Variants in ARAP3 observed in about 807,000 individuals in gnomAD.
ARAP3 encodes ArfGAP with RhoGAP domain, ankyrin repeat and PH domain 3.
A neutral mutation model predicts 169.2 loss-of-function variants in ARAP3; 82 were observed. The observed-to-expected ratio is 0.48, with a 90% CI of 0.41 to 0.58. The LOEUF is 0.58. Ranked by LOEUF, ARAP3 falls within the 20% of genes least tolerant of loss-of-function variation. The probability of loss-of-function intolerance (pLI) is 0.00; values close to 1 mark genes in which losing one functional copy is unlikely to be tolerated. For missense variants in ARAP3, 1,764 were observed against 2,018.0 expected (o/e 0.87, Z 2.41); for synonymous variants, 791 against 800.3 (o/e 0.99, Z 0.20).
In ARAP3 at chr5:141,679,718, G is replaced by A; in HGVS notation, c.586+43C>T. ...GATCGCTGGGAGTGTATGAGGTCCT[G>A]CCGGCACTATCCCTCTCCCCCAACC... On this transcript the variant is annotated intron_variant, in intron 3 of 32. Transcript: ENST00000239440. 3 of 1,613,892 alleles carry A rather than the reference G, an allele frequency of 1.9e-6. No homozygotes were observed. In the Middle Eastern group the frequency reaches 4.9e-4, roughly 266 times the overall value.
At chr5:141,681,720 C>T (rs1290182271) in intron 1 of ARAP3, among the ~76,000 whole-genome samples, 1 of 152,204 alleles carries the variant, frequency 6.6e-6, no homozygotes, top group Non-Finnish European at 1.5e-5. Context: ...CTGTCTTCCG[C>T]CTCGGCCTAG....
chr5:141,674,182 C>T (rs1303820561), intron 4 of ARAP3, among the ~76,000 whole-genome samples: 2 of 152,178 alleles, frequency 1.3e-5, no homozygotes, highest in South Asian at 2.1e-4. Context: ...AGGCTGGTCT[C>T]GAACTCCTGA....
At position 141,680,157 on chromosome 5, in the gene ARAP3, G is replaced by A. The variant is rs771837854; in HGVS notation, c.330C>T (p.Thr110=). Residue 110 remains threonine (T), a synonymous_variant, in exon 2 of 33, where the codon ACC becomes ACT. Coordinates refer to ENST00000239440, the MANE Select transcript of ARAP3 (RefSeq NM_022481.6). ...CTGGGCTCAGCCCAGGTCTCTGAGT[G>A]GTGGCAGGGCCACTGAGTCCACCAA... ...TVFGGLSGPA[T]TQRPGLSPAL... The A allele has an allele frequency of 6.2e-7, 1 of 1,607,602 alleles. No individual in the cohort carries two copies. The highest frequency in any genetic ancestry group is 8.5e-7 in the Non-Finnish European group (1 of 1,175,610).
Position 141,679,674 on chromosome 5 carries a change from G to A in ARAP3, c.587-18C>T, listed in dbSNP as rs190633824. Reference sequence around the variant, plus strand: ...GATGTGCACTGGCAGGAGGAGAGGGGAACGCACAAGGAAGAGGAGATCGCT... The same window carrying A: ...GATGTGCACTGGCAGGAGGAGAGGGAAACGCACAAGGAAGAGGAGATCGCT... On this transcript the variant is annotated intron_variant, in intron 3 of 32. Transcript: ENST00000239440. 638 of 1,613,882 alleles carry A rather than the reference G, an allele frequency of 4.0e-4. 1 individual carries two copies. The highest frequency in any genetic ancestry group is 2.6e-3 in the African/African-American group (197 of 75,004).
intron 32 of ARAP3, among the ~76,000 whole-genome samples, chr5:141,655,100 C>T (rs1330632983): frequency 6.6e-6 from 1 of 151,748 alleles, no homozygotes; most frequent in Non-Finnish European, 1.5e-5. Flanking sequence ...GGCCTCCTCT[C>T]TCTCTCTGTC....
At chr5:141,679,733 C>T in intron 3 of ARAP3, 28 bp downstream of exon 3, 1 of 1,614,160 alleles carries the variant, frequency 6.2e-7, no homozygotes, top group Non-Finnish European at 8.5e-7. Context: ...CACTATCCCT[C>T]TCCCCCAACC....
intron 31 of ARAP3, 98 bp downstream of exon 31, chr5:141,655,523 A>G (rs2099909165): frequency 3.1e-6 from 5 of 1,597,136 alleles, no homozygotes; most frequent in African/African-American, 2.7e-5. Flanking sequence ...GACAGTGAGC[A>G]TAGGGTGGCA....
chr5:141,666,406 C>G lies in ARAP3; in HGVS notation c.2572+18G>C, dbSNP rs143722578. 3,481 of 1,539,416 alleles carry G rather than the reference C, an allele frequency of 2.3e-3. 10 individuals are homozygous for G. Among genetic ancestry groups the G allele is most frequent in the Middle Eastern group, 4.3e-3 (23 of 5,290 alleles). ...ATGGCCACCCTTCATCCCTGTCCCC[C>G]CAAACCTCCCCGCTTACTGATCTCC... is the stretch of plus-strand genomic sequence containing the variant. On this transcript the variant is annotated intron_variant, in intron 17 of 32. Coordinates refer to ENST00000239440, the MANE Select transcript of ARAP3 (RefSeq NM_022481.6).
At chr5:141,661,350 A>T (rs1185039860) in intron 21 of ARAP3, among the ~76,000 whole-genome samples, 1 of 152,150 alleles carries the variant, frequency 6.6e-6, no homozygotes, top group African/African-American at 2.4e-5. Context: ...GGTGTGAGAC[A>T]CCACGCGCCC....
At chr5:141,659,110 A>G (rs2099909601) in intron 23 of ARAP3, among the ~76,000 whole-genome samples, 4 of 152,210 alleles carry the variant, frequency 2.6e-5, no homozygotes, top group African/African-American at 9.6e-5. Flanking sequence ...TCGTCCTTGG[A>G]TCTCTTACAC....
At position 141,669,966 on chromosome 5, in the gene ARAP3, A is replaced by G; in HGVS notation, c.2205T>C (p.Ile735=). The change falls in exon 15 of 33, where the codon ATT becomes ATC. Residue 735 remains isoleucine (I), a synonymous_variant. Coordinates refer to ENST00000239440, the MANE Select transcript of ARAP3 (RefSeq NM_022481.6). ...GTGGGGGGCTCACACCCAGACATAC[A>G]ATATCCTGGGGCTGTATGAGGCTGA... ...EPLSLIQPQD[I]VCLGVSPPPT... The G allele has an allele frequency of 6.2e-7, 1 of 1,600,070 alleles. No homozygotes were observed. Among genetic ancestry groups the G allele is most frequent in the East Asian group, 2.2e-5 (1 of 44,764 alleles).
chr5:141,659,120 C>T (rs1319668501), intron 23 of ARAP3, among the ~76,000 whole-genome samples: 1 of 152,192 alleles, frequency 6.6e-6, no homozygotes, highest in Non-Finnish European at 1.5e-5. Context: ...ATCTCTTACA[C>T]TTAGTAGTAT....
At chr5:141,665,249 T>C (rs2099910484) in intron 18 of ARAP3, 62 bp downstream of exon 18, 1 of 1,595,364 alleles carries the variant, frequency 6.3e-7, no homozygotes. Context: ...GCAGGCCAGG[T>C]TGCAGAGTAT....
intron 4 of ARAP3, among the ~76,000 whole-genome samples, chr5:141,674,732 T>A (rs1338264338): frequency 1.3e-5 from 2 of 151,696 alleles, no homozygotes; most frequent in Non-Finnish European, 2.9e-5. Context: ...TGGCTCCCTG[T>A]CATGGTTGCC....
At position 141,656,614 on chromosome 5, in the gene ARAP3, C is replaced by T; in HGVS notation, c.3679G>A (p.Val1227Met). 1 of 1,613,460 alleles carries T rather than the reference C, an allele frequency of 6.2e-7. No homozygotes were observed. Among genetic ancestry groups the T allele is most frequent in the Non-Finnish European group, 8.5e-7 (1 of 1,179,746 alleles). ...FTGIRRESPRVGLLRCREEPP... is the reference protein window; with the variant it reads ...FTGIRRESPRMGLLRCREEPP... Reference sequence around the variant, plus strand: ...TCCTCACGACACCGCAACAGCCCCACCCGTGGGCTCTCACGTCGGATACCT... The same window carrying T: ...TCCTCACGACACCGCAACAGCCCCATCCGTGGGCTCTCACGTCGGATACCT... The change falls in exon 27 of 33, where the codon GTG (valine) becomes ATG (methionine). Residue 1227 changes from valine (V) to methionine (M), a missense_variant. Physicochemically the swap from Val to Met is conservative, Grantham distance 21. Transcript: ENST00000239440.
Position 141,672,670 on chromosome 5 carries a change from A to AG in ARAP3, c.1279-13dup, listed in dbSNP as rs1479708732. 8 of 1,613,736 alleles carry AG rather than the reference A, an allele frequency of 5.0e-6. No homozygotes were observed. The highest frequency in any genetic ancestry group is 6.8e-6 in the Non-Finnish European group (8 of 1,179,856). On this transcript the variant is annotated splice_polypyrimidine_tract_variant and intron_variant, in intron 8 of 32. Coordinates refer to ENST00000239440, the MANE Select transcript of ARAP3 (RefSeq NM_022481.6). The surrounding 1 kb of genome is among the most constrained non-coding windows in gnomAD (Gnocchi z 4.9). ...CCCAGAGAGAAGGCCTGGTGGGGTC[A>AG]GGGGGTGGGCATCATGAGGTGCCAG...
chr5:141,666,225 G>A (rs1333398192), intron 17 of ARAP3, among the ~76,000 whole-genome samples, 199 bp downstream of exon 17: 1 of 152,014 alleles, frequency 6.6e-6, no homozygotes, highest in East Asian at 1.9e-4. Flanking sequence ...GCACAGAGAG[G>A]TTAAATAACT....
At position 141,672,376 on chromosome 5, in the gene ARAP3, G is replaced by T; in HGVS notation, c.1386-75C>A. On this transcript the variant is annotated intron_variant, in intron 9 of 32. Transcript: ENST00000239440. This position sits in a 1 kb window ranked among gnomAD's most constrained non-coding sequence, Gnocchi z 4.9. ...CATCCCCCTGGCTCTTCCTGCAGGA[G>T]CCACCACAGGCCACACCTGGGGCAG... 6.4e-7 allele frequency: 1 copy of T among 1,573,782 alleles called. No homozygotes were observed.
In ARAP3 at chr5:141,656,744, AG is replaced by A; in HGVS notation, c.3628del (p.Leu1210TrpfsTer77). The A allele has an allele frequency of 6.2e-7, 1 of 1,611,714 alleles. No homozygotes were observed. Among genetic ancestry groups the A allele is most frequent in the Non-Finnish European group, 8.5e-7 (1 of 1,178,954 alleles). On this transcript the variant is annotated frameshift_variant, in exon 26 of 33. Transcript: ENST00000239440. LOFTEE classifies it high-confidence loss of function. The stretch of plus-strand genomic sequence containing the variant: ...TGTGAAGAGGCAGCCAGCTTGGGCC[AG>A]GGGGACTTTTTTCAAGAGCAGGGAA... ...SASLLLKKVP[L>X]AQAGCLFTGI...
Sources: gnomAD v4.1 joint callset for allele counts (sites outside exome capture counted in the v4.1 genomes callset) on GRCh38, gnomAD v4.1.1 for gene constraint, Gnocchi (gnomAD v3.1) non-coding constraint, MANE v1.5 for transcripts, NCBI Gene and HGNC (gene_info 2026-07-23, HGNC 2026-07-21) for gene names.